CHST11: variants seen among roughly 807,000 people sequenced by gnomAD.
The protein encoded by CHST11 is C4S-1.
In CHST11, 9 loss-of-function variants were observed where a neutral mutation model predicts 30.4. The observed-to-expected ratio is 0.30, with a 90% CI of 0.18 to 0.52. The LOEUF (loss-of-function observed/expected upper bound fraction) is 0.52, where lower values mean the gene tolerates loss of function less well. Ranked by LOEUF, CHST11 falls within the 20% of genes least tolerant of loss-of-function variation. CHST11 has a pLI of 0.97. For synonymous variants in CHST11, 152 were observed against 187.8 expected (o/e 0.81, Z 1.56); for missense variants, 348 against 460.6 (o/e 0.76, Z 2.24).
At chr12:104,548,592 C>T (rs2038375269) in intron 1 of CHST11, among the ~76,000 whole-genome samples, 1 of 152,214 alleles carries the variant, frequency 6.6e-6, no homozygotes, top group East Asian at 1.9e-4. Context: ...AGAGCTTACT[C>T]TGTTCCAGGT....
intron 1 of CHST11, among the ~76,000 whole-genome samples, chr12:104,585,150 G>C (rs971122721): frequency 8.5e-5 from 13 of 152,212 alleles, no homozygotes; most frequent in Non-Finnish European, 1.2e-4. Flanking sequence ...CTTTCCTTGG[G>C]GGAGAGATCG....
intron 1 of CHST11, among the ~76,000 whole-genome samples, chr12:104,509,815 G>A (rs1294428531): frequency 2.6e-5 from 4 of 152,160 alleles, no homozygotes; most frequent in Non-Finnish European, 5.9e-5. Flanking sequence ...GTTATTTAAG[G>A]TAACATGAAC....
At chr12:104,495,039 A>C (rs1046187638) in intron 1 of CHST11, among the ~76,000 whole-genome samples, 16 of 152,132 alleles carry the variant, frequency 1.1e-4, no homozygotes, top group Non-Finnish European at 2.1e-4. Context: ...GAGTTTGATA[A>C]CTTGAGACAC....
At chr12:104,738,784 C>T (rs2040323238) in intron 2 of CHST11, among the ~76,000 whole-genome samples, 1 of 152,260 alleles carries the variant, frequency 6.6e-6, no homozygotes, top group Non-Finnish European at 1.5e-5. Context: ...TACACTCCAG[C>T]TGCCACACTG....
intron 2 of CHST11, among the ~76,000 whole-genome samples, chr12:104,753,625 G>A (rs1432550279): frequency 6.6e-6 from 1 of 152,142 alleles, no homozygotes; most frequent in African/African-American, 2.4e-5. Context: ...CAATACCCAG[G>A]CACTAAGGAA....
intron 2 of CHST11, among the ~76,000 whole-genome samples, chr12:104,645,916 T>G (rs2039425281): frequency 6.6e-6 from 1 of 152,212 alleles, no homozygotes; most frequent in Admixed American, 6.5e-5. Context: ...GCTCTGCCTG[T>G]CATGATCAAG....
intron 1 of CHST11, among the ~76,000 whole-genome samples, chr12:104,528,689 G>A (rs1363355571): frequency 6.6e-6 from 1 of 152,230 alleles, no homozygotes; most frequent in African/African-American, 2.4e-5. Context: ...TTCCTTTGGT[G>A]TTCAGATAGA....
In CHST11 at chr12:104,608,328, A is replaced by G. The variant is rs993735165; in HGVS notation, c.204+6337A>G. On this transcript the variant is annotated intron_variant, in intron 2 of 2. Coordinates refer to ENST00000303694, the MANE Select transcript of CHST11 (RefSeq NM_018413.6). The stretch of plus-strand genomic sequence containing the variant: ...ATGTATCTGCCTTTCTTCACATTCC[A>G]GGACACATAGTCCTCCTGTGCAAAT... Among the ~76,000 whole-genome samples the G allele has an allele frequency of 9.2e-5, 14 of 152,170 alleles. No individual in the cohort carries two copies. In the East Asian group the frequency reaches 1.9e-3, roughly 21 times the overall value.
At chr12:104,725,549 C>G (rs1254004776) in intron 2 of CHST11, among the ~76,000 whole-genome samples, 1 of 151,096 alleles carries the variant, frequency 6.6e-6, no homozygotes, top group African/African-American at 2.4e-5. Context: ...GAGCCTGCCT[C>G]CCCTGTGTCT....
chr12:104,616,616 C>T (rs766152694), intron 2 of CHST11, among the ~76,000 whole-genome samples: 24 of 152,164 alleles, frequency 1.6e-4, no homozygotes, highest in African/African-American at 2.9e-4. Context: ...CAGGCGCACA[C>T]CACCACGCCT....
chr12:104,684,256 GTGGA>G (rs71069772), intron 2 of CHST11, among the ~76,000 whole-genome samples: 7,268 of 147,982 alleles, frequency 0.049, 209 homozygotes, highest in East Asian at 0.082. Context: ...GGTACAAAAT[GTGGA>G]TGGATGGATG....
intron 2 of CHST11, among the ~76,000 whole-genome samples, chr12:104,626,845 C>A (rs2039220691): frequency 6.6e-6 from 1 of 152,012 alleles, no homozygotes; most frequent in African/African-American, 2.4e-5. Flanking sequence ...AACTGATGAA[C>A]CTGTATTGAC....
intron 1 of CHST11, among the ~76,000 whole-genome samples, chr12:104,516,172 C>T (rs1016866187): frequency 6.6e-6 from 1 of 152,118 alleles, no homozygotes; most frequent in African/African-American, 2.4e-5. Context: ...TAGTAGCATT[C>T]CTGGCCTTTA....
rs549732773 is a variant in CHST11 at position 104,656,990 on chromosome 12, C to A, written c.204+54999C>A. ...CATGCTGGGAAAGACCTTCAGGCATCGTCTGATCAAACTTCATCCTTTTTT... is the reference window on the plus strand; with the variant it reads ...CATGCTGGGAAAGACCTTCAGGCATAGTCTGATCAAACTTCATCCTTTTTT... On this transcript the variant is annotated intron_variant, in intron 2 of 2. Coordinates refer to ENST00000303694, the MANE Select transcript of CHST11 (RefSeq NM_018413.6). 2.7e-5 allele frequency among the ~76,000 whole-genome samples: 4 copies of A among 147,940 alleles called. No homozygotes were observed. In the Admixed American group the frequency reaches 2.7e-4, roughly 10 times the overall value.
chr12:104,705,921 A>T (rs1029196178), intron 2 of CHST11, among the ~76,000 whole-genome samples: 1 of 151,490 alleles, frequency 6.6e-6, no homozygotes, highest in Non-Finnish European at 1.5e-5. Context: ...CAAAAAATAA[A>T]AAAAAAAAGA....
intron 2 of CHST11, among the ~76,000 whole-genome samples, chr12:104,664,132 T>TGA (rs2039621501): frequency 6.6e-6 from 1 of 152,178 alleles, no homozygotes; most frequent in Non-Finnish European, 1.5e-5. Flanking sequence ...AGGAACTGTA[T>TGA]ATCACCTCTC....
chr12:104,725,567 G>A (rs973145024), intron 2 of CHST11, among the ~76,000 whole-genome samples: 3 of 147,612 alleles, frequency 2.0e-5, no homozygotes, highest in Non-Finnish European at 1.5e-5. Context: ...TCTCCTCCCC[G>A]CCGTGGTTGT....
At chr12:104,653,383 A>G (rs1384667937) in intron 2 of CHST11, among the ~76,000 whole-genome samples, 1 of 152,114 alleles carries the variant, frequency 6.6e-6, no homozygotes, top group African/African-American at 2.4e-5. Context: ...TTCTTTCTCC[A>G]TTCATCTGTT....
rs941108680 is a variant in CHST11 at position 104,685,218 on chromosome 12, A to T, written c.205-71731A>T. On this transcript the variant is annotated intron_variant, in intron 2 of 2. Coordinates refer to ENST00000303694, the MANE Select transcript of CHST11 (RefSeq NM_018413.6). Reference sequence around the variant, plus strand: ...AAGCATTAGGTGTAAGGCCTAAAAAAATCTTAATATATAGCCTCCTGAGAG... The same window carrying T: ...AAGCATTAGGTGTAAGGCCTAAAAATATCTTAATATATAGCCTCCTGAGAG... 8.5e-5 allele frequency among the ~76,000 whole-genome samples: 13 copies of T among 152,208 alleles called. No homozygotes were observed. In the East Asian group the frequency reaches 9.6e-4, roughly 11 times the overall value.
Sources: gnomAD v4.1 joint callset for allele counts (sites outside exome capture counted in the v4.1 genomes callset) on GRCh38, gnomAD v4.1.1 for gene constraint, MANE v1.5 for transcripts, NCBI Gene and HGNC (gene_info 2026-07-23, HGNC 2026-07-21) for gene names.